RGS3: variants seen among roughly 807,000 people sequenced by gnomAD.
RGS3 encodes the protein regulator of G-protein signalling 3.
A neutral mutation model predicts 132.6 loss-of-function variants in RGS3; 80 were observed. The observed-to-expected ratio is 0.60, with a 90% CI of 0.50 to 0.73. The LOEUF is 0.73. Ranked by LOEUF, RGS3 falls within the 30% of genes least tolerant of loss-of-function variation. The pLI is 0.00. For missense variants in RGS3, 1,382 were observed against 1,530.8 expected (o/e 0.90, Z 1.62); for synonymous variants, 598 against 620.6 (o/e 0.96, Z 0.54).
rs751527967 is a variant in RGS3, at chr9:113,583,952, C to T, written c.2540C>T (p.Pro847Leu). The T allele has an allele frequency of 1.5e-5, 25 of 1,613,974 alleles. No homozygotes were observed. The South Asian group carries it at 2.3e-4, about 15-fold the overall frequency. The change falls in exon 20 of 25, where the codon CCT becomes CTT. Residue 847 changes from proline to leucine, a missense_variant. Pro to Leu is a moderately conservative substitution (Grantham distance 98). Coordinates refer to ENST00000350696, the Ensembl canonical transcript of RGS3. ...CTACTAGCAGCTACTGGGGACCCACCTGCGGCCCCCAGGCCAGCCTTCGTG... is the reference window on the plus strand; with the variant it reads ...CTACTAGCAGCTACTGGGGACCCACTTGCGGCCCCCAGGCCAGCCTTCGTG...
chr9:113,536,582 C>A (rs1013911158), intron 18 of RGS3: 1 of 1,376,714 alleles, frequency 7.3e-7, no homozygotes, highest in Non-Finnish European at 9.4e-7. Context: ...ACCTGTGGGC[C>A]CACAGCTCGC....
chr9:113,542,589 C>T (rs909941824), intron 19 of RGS3, among the ~76,000 whole-genome samples: 1 of 152,166 alleles, frequency 6.6e-6, no homozygotes, highest in South Asian at 2.1e-4. Context: ...CCCTGCCTAC[C>T]CTCCTCCTCA....
chr9:113,497,685 A>G (rs909354711), intron 9 of RGS3, among the ~76,000 whole-genome samples: 1 of 152,100 alleles, frequency 6.6e-6, no homozygotes. Context: ...ATGCTTCCCC[A>G]GTGGCCCCTT....
chr9:113,594,015 G>C (rs140819718), intron 21 of RGS3: 37 of 1,612,928 alleles, frequency 2.3e-5, no homozygotes, highest in Non-Finnish European at 2.9e-5. Context: ...CCCTTTCACG[G>C]CTCCCTCTCA....
At chr9:113,538,972 C>T (rs1174556372) in intron 19 of RGS3, among the ~76,000 whole-genome samples, 1 of 152,202 alleles carries the variant, frequency 6.6e-6, no homozygotes, top group Non-Finnish European at 1.5e-5. Flanking sequence ...TTCCCCATCC[C>T]TATCACCACC....
Position 113,523,015 on chromosome 9 carries a change from AC to A in RGS3, c.1846del (p.Leu616SerfsTer4). 2 of 1,613,562 alleles carry A rather than the reference AC, an allele frequency of 1.2e-6. No individual in the cohort carries two copies. The highest frequency in any genetic ancestry group is 1.7e-6 in the Non-Finnish European group (2 of 1,179,584). ...TGCGACGTCCTGAGGAACCCCCTCT[AC>A]CTCCAGAGTGTGAAGCTGCAGGAAG... is the stretch of plus-strand genomic sequence containing the variant. On this transcript the variant is annotated frameshift_variant, in exon 17 of 25. Coordinates refer to ENST00000350696, the Ensembl canonical transcript of RGS3. LOFTEE classifies it high-confidence loss of function.
intron 7 of RGS3, among the ~76,000 whole-genome samples, chr9:113,490,893 C>A (rs1201441021): frequency 2.4e-5 from 3 of 127,066 alleles, no homozygotes; most frequent in Admixed American, 8.3e-5. Context: ...TTATATATAA[C>A]CTAATTATAA....
At chr9:113,491,618 G>A (rs1279214139) in intron 7 of RGS3, among the ~76,000 whole-genome samples, 4 of 150,682 alleles carry the variant, frequency 2.7e-5, no homozygotes, top group Admixed American at 6.6e-5. Flanking sequence ...GGAATGGCGC[G>A]ATCTCACCTC....
At chr9:113,496,421 C>T (rs1326663076) in intron 8 of RGS3, among the ~76,000 whole-genome samples, 2 of 152,162 alleles carry the variant, frequency 1.3e-5, no homozygotes, top group Non-Finnish European at 2.9e-5. Flanking sequence ...GGGGAGCACT[C>T]CTTTTGCACA....
At chr9:113,524,497 C>T (rs1044594573) in intron 17 of RGS3, among the ~76,000 whole-genome samples, 11 of 152,242 alleles carry the variant, frequency 7.2e-5, no homozygotes, top group Admixed American at 2.0e-4. Context: ...CAGCTTCCTG[C>T]GAGAAGGAGG....
At chr9:113,449,375 C>T (rs1345731125) in intron 1 of RGS3, among the ~76,000 whole-genome samples, 2 of 152,094 alleles carry the variant, frequency 1.3e-5, no homozygotes, top group Non-Finnish European at 2.9e-5. Context: ...GAGGAAGAAC[C>T]AATTTAAGGA....
chr9:113,591,575 AC>A lies in RGS3; in HGVS notation c.3080+180del. ...TTTGCAGTGACCCCAAAGTGGGGTC[AC>A]CTGGGTCCTGAGCATTCTCTCCAAG... On this transcript the variant is annotated intron_variant, in intron 21 of 24. Transcript: ENST00000350696. The surrounding 1 kb of genome is among the most constrained non-coding windows in gnomAD (Gnocchi z 4.4). 3.3e-6 allele frequency: 2 copies of A among 609,202 alleles called. No individual in the cohort carries two copies. The highest frequency in any genetic ancestry group is 5.9e-6 in the Non-Finnish European group (2 of 338,960). The allele number at this position is 609,202 out of a possible 1,614,324, so 37.7% of individuals were successfully genotyped here.
chr9:113,552,124 A>G (rs1296594457), intron 19 of RGS3, among the ~76,000 whole-genome samples: 2 of 151,948 alleles, frequency 1.3e-5, no homozygotes, highest in Non-Finnish European at 2.9e-5. Flanking sequence ...TTCCCTTTTA[A>G]TTTTATGGTT....
intron 19 of RGS3, among the ~76,000 whole-genome samples, chr9:113,542,708 T>C (rs1832953325): frequency 6.6e-6 from 1 of 151,948 alleles, no homozygotes; most frequent in East Asian, 1.9e-4. Flanking sequence ...GTTCTAGGAG[T>C]GTTCCTGGAA....
intron 23 of RGS3, chr9:113,595,202 C>T: frequency 1.7e-6 from 1 of 594,398 alleles, no homozygotes; most frequent in Non-Finnish European, 3.0e-6. Flanking sequence ...CTGGCACTGC[C>T]TGCCGGAGGC....
intron 19 of RGS3, chr9:113,541,269 GC>G (rs1832889727): frequency 4.4e-6 from 7 of 1,586,934 alleles, no homozygotes; most frequent in Non-Finnish European, 6.0e-6. Context: ...CAGTCAGGCA[GC>G]CCGGCCTGAG....
intron 10 of RGS3, chr9:113,501,619 C>T (rs1830898383): frequency 5.8e-6 from 9 of 1,562,580 alleles, no homozygotes; most frequent in African/African-American, 1.3e-5. Context: ...CTCGGAGCGC[C>T]GCTACCGCCA....
At chr9:113,473,012 G>C (rs1041354905) in intron 3 of RGS3, among the ~76,000 whole-genome samples, 7 of 152,196 alleles carry the variant, frequency 4.6e-5, no homozygotes, top group Non-Finnish European at 8.8e-5. Context: ...TTGCACTCCA[G>C]CCTGGGCGAC....
intron 19 of RGS3, among the ~76,000 whole-genome samples, chr9:113,572,172 CG>C (rs892425193): frequency 1.3e-5 from 2 of 151,898 alleles, no homozygotes; most frequent in African/African-American, 4.8e-5. Context: ...GAGAGGTTGG[CG>C]GGGGCAGAAC....
Sources: allele counts gnomAD v4.1 joint callset (sites outside exome capture counted in the v4.1 genomes callset), GRCh38; gene constraint gnomAD v4.1.1; non-coding constraint Gnocchi (gnomAD v3.1); transcripts MANE v1.5; gene names NCBI Gene and HGNC (gene_info 2026-07-23, HGNC 2026-07-21).